The following SEMA4F variants were observed in gnomAD, a reference collection of about 807,000 sequenced individuals.
SEMA4F encodes semaphorin-4F.
In SEMA4F, 51 loss-of-function variants were observed where a neutral mutation model predicts 78.4. That is an observed-to-expected ratio of 0.65 (90% CI 0.52 to 0.82). The LOEUF (loss-of-function observed/expected upper bound fraction) is 0.82, where lower values mean the gene tolerates loss of function less well. Ranked by LOEUF, SEMA4F falls within the 40% of genes least tolerant of loss-of-function variation. The pLI is 0.00. For synonymous variants in SEMA4F, 418 were observed against 408.7 expected, an observed-to-expected ratio of 1.02 and a Z score of -0.27; for missense variants, 938 against 1,014.4, an observed-to-expected ratio of 0.92 and a Z score of 1.02.
chr2:74,667,587 A>G (rs1426456051), intron 5 of SEMA4F, among the ~76,000 whole-genome samples: 6 of 152,258 alleles, frequency 3.9e-5, no homozygotes, highest in Non-Finnish European at 8.8e-5. Context: ...AAAGCCTCCG[A>G]AATCTTATTT....
In SEMA4F at chr2:74,681,963, C is replaced by T. The variant is rs1685638767; in HGVS notation, c.*1754C>T. On this transcript the variant is annotated 3_prime_UTR_variant, in exon 14 of 14. Transcript: ENST00000357877. ...AACCTAACCTAGGGACATCAGTTTA[C>T]TCATCTGCGAAGTGGGGATAATAAA... The T allele has an allele frequency of 6.6e-6, 1 of 152,670 alleles. No individual in the cohort carries two copies. The highest frequency in any genetic ancestry group is 1.5e-5 in the Non-Finnish European group (1 of 68,058). The allele number at this position is 152,670 out of a possible 1,614,324, so 9.5% of individuals were successfully genotyped here. A position where few individuals can be genotyped will look rare whatever the true frequency, so the allele number is the denominator to read the frequency against.
the SEMA4F span, among the ~76,000 whole-genome samples, chr2:74,704,770 T>C: frequency 6.6e-6 from 1 of 152,136 alleles, no homozygotes; most frequent in Non-Finnish European, 1.5e-5. Flanking sequence ...CTCCGAATGG[T>C]CACTGGATTT....
chr2:74,667,456 T>A (rs760056265), intron 5 of SEMA4F, among the ~76,000 whole-genome samples: 2 of 152,234 alleles, frequency 1.3e-5, no homozygotes, highest in Non-Finnish European at 2.9e-5. Context: ...TCAAGTAATA[T>A]GTACAAACAA....
At chr2:74,697,553 C>T in the SEMA4F span, among the ~76,000 whole-genome samples, 7 of 152,150 alleles carry the variant, frequency 4.6e-5, no homozygotes, top group Non-Finnish European at 7.4e-5. Flanking sequence ...CTGAGATGAG[C>T]CCCAGTTGTA....
chr2:74,687,617 C>T (rs988819081), downstream of SEMA4F, among the ~76,000 whole-genome samples: 4 of 152,226 alleles, frequency 2.6e-5, no homozygotes, highest in African/African-American at 9.6e-5. Flanking sequence ...GCAGGTCCTG[C>T]TGAGAGGCCA....
At chr2:74,654,763 A>T (rs1476838163) in intron 1 of SEMA4F, among the ~76,000 whole-genome samples, 1 of 152,010 alleles carries the variant, frequency 6.6e-6, no homozygotes, top group Non-Finnish European at 1.5e-5. Context: ...CTCCCACGAC[A>T]CGCCCAGGCT....
intron 4 of SEMA4F, 26 bp from the exon 5 acceptor site, chr2:74,662,706 A>T: frequency 6.3e-7 from 1 of 1,596,122 alleles, no homozygotes; most frequent in South Asian, 1.1e-5. Flanking sequence ...TGACCCCTAA[A>T]CCAATTGCCC....
At chr2:74,665,462 C>A (rs1443147054) in intron 5 of SEMA4F, among the ~76,000 whole-genome samples, 1 of 151,934 alleles carries the variant, frequency 6.6e-6, no homozygotes, top group African/African-American at 2.4e-5. Context: ...ATCTCCTGAC[C>A]TCGTGATCTG....
At chr2:74,709,105 C>G in the SEMA4F span, among the ~76,000 whole-genome samples, 1 of 152,124 alleles carries the variant, frequency 6.6e-6, no homozygotes, top group Non-Finnish European at 1.5e-5. Flanking sequence ...GCAGAGGTTG[C>G]GGTGAGCTGT....
In SEMA4F at chr2:74,680,366, G is replaced by A. The variant is rs948733405; in HGVS notation, c.*157G>A. The A allele has an allele frequency of 3.6e-6, 3 of 844,074 alleles. No individual in the cohort carries two copies. The highest frequency in any genetic ancestry group is 2.2e-5 in the South Asian group (1 of 45,874). The allele number at this position is 844,074 out of a possible 1,614,324, so 52.3% of individuals were successfully genotyped here. A position where few individuals can be genotyped will look rare whatever the true frequency, so the allele number is the denominator to read the frequency against. Reference sequence around the variant, plus strand: ...TTTAGTATCTGTTCTCTCTGAGCCTGGATGGGCTTGGGGCCAGACCTTTGC... The same window carrying A: ...TTTAGTATCTGTTCTCTCTGAGCCTAGATGGGCTTGGGGCCAGACCTTTGC... On this transcript the variant is annotated 3_prime_UTR_variant, in exon 14 of 14. Coordinates refer to ENST00000357877, the MANE Select transcript of SEMA4F (RefSeq NM_004263.5).
Position 74,683,396 on chromosome 2 carries a change from ATTCC to A in SEMA4F, c.*3193_*3196del. Reference sequence around the variant, plus strand: ...AAGTGTGTTTGATACGTAAGCTCCAATTCCTTCCTCCATAAGAAGAGAGAAGGCA... The same window carrying A: ...AAGTGTGTTTGATACGTAAGCTCCAATTCCTCCATAAGAAGAGAGAAGGCA... On this transcript the variant is annotated 3_prime_UTR_variant, in exon 14 of 14. Coordinates refer to ENST00000357877, the MANE Select transcript of SEMA4F (RefSeq NM_004263.5). The A allele has an allele frequency of 6.6e-6, 1 of 152,346 alleles. No individual in the cohort carries two copies. The highest frequency in any genetic ancestry group is 3.4e-3 in the Middle Eastern group (1 of 294). The allele number at this position is 152,346 out of a possible 1,614,324, so 9.4% of individuals were successfully genotyped here. A position where few individuals can be genotyped will look rare whatever the true frequency, so the allele number is the denominator to read the frequency against.
chr2:74,690,204 A>G, the SEMA4F span, among the ~76,000 whole-genome samples: 72 of 152,308 alleles, frequency 4.7e-4, no homozygotes, highest in Admixed American at 1.4e-3. Context: ...GTGTGTTCCC[A>G]GTGATCTTTG....
chr2:74,679,413 G>A (rs972053016), intron 13 of SEMA4F, 79 bp downstream of exon 13: 26 of 1,487,642 alleles, frequency 1.7e-5, no homozygotes, highest in South Asian at 2.3e-5. Flanking sequence ...ATTTTGGAAC[G>A]ATTCTAAACC....
chr2:74,701,492 G>A, the SEMA4F span, among the ~76,000 whole-genome samples: 4 of 152,184 alleles, frequency 2.6e-5, no homozygotes, highest in African/African-American at 9.7e-5. Flanking sequence ...AACCTCAGCT[G>A]TGTTCACAAT....
At chr2:74,654,605 A>C in intron 1 of SEMA4F, 84 bp downstream of exon 1, 1 of 1,249,318 alleles carries the variant, frequency 8.0e-7, no homozygotes, top group Non-Finnish European at 1.1e-6. Context: ...GCTCGGCCGG[A>C]CCCGGGCCTC....
At chr2:74,695,825 A>G in the SEMA4F span, among the ~76,000 whole-genome samples, 1 of 152,232 alleles carries the variant, frequency 6.6e-6, no homozygotes, top group African/African-American at 2.4e-5. Flanking sequence ...AGTTGGTGTC[A>G]AACATACTCA....
chr2:74,674,539 G>A lies in SEMA4F; in HGVS notation c.864G>A (p.Thr288=), dbSNP rs1176219130. 7 of 1,613,944 alleles carry A rather than the reference G, an allele frequency of 4.3e-6. No individual in the cohort carries two copies. The highest frequency in any genetic ancestry group is 1.3e-5 in the African/African-American group (1 of 74,902). ...GGAAGACCCTCCAGCAGAGATGGAC[G>A]ACGTTTTTGAAAGCTGACCTGCTCT... The part of the protein sequence containing the change: ...GGRKTLQQRW[T]TFLKADLLCP... The change falls in exon 8 of 14, where the codon ACG becomes ACA. Residue 288 remains threonine (T), a synonymous_variant. Transcript: ENST00000357877.
At chr2:74,686,723 T>C (rs1685830160), downstream of SEMA4F, among the ~76,000 whole-genome samples, 1 of 152,204 alleles carries the variant, frequency 6.6e-6, no homozygotes, top group Non-Finnish European at 1.5e-5. Flanking sequence ...TCATGTCCTT[T>C]GCAGAGATCT....
chr2:74,689,521 A>G, the SEMA4F span, among the ~76,000 whole-genome samples: 1 of 152,212 alleles, frequency 6.6e-6, no homozygotes, highest in Non-Finnish European at 1.5e-5. Context: ...TTTTAAGGAA[A>G]TAGCAGTATA....
Sources: gnomAD v4.1 joint callset for allele counts (sites outside exome capture counted in the v4.1 genomes callset) on GRCh38, gnomAD v4.1.1 for gene constraint, MANE v1.5 for transcripts, NCBI Gene and HGNC (gene_info 2026-07-23, HGNC 2026-07-21) for gene names.